SNTG1: variants seen among roughly 807,000 people sequenced by gnomAD.
SNTG1 encodes syntrophin gamma 1, also known as gamma-1-syntrophin.
Under a neutral mutation model 74.7 loss-of-function variants are expected in SNTG1, and 39 were observed. That is an observed-to-expected ratio of 0.52 (90% CI 0.40 to 0.68). The LOEUF (loss-of-function observed/expected upper bound fraction) is 0.68, where lower values mean the gene tolerates loss of function less well. Among genes scored for constraint, SNTG1 ranks in the 30% least tolerant of loss-of-function variants. The pLI is 0.00. For synonymous variants in SNTG1, 254 were observed against 217.1 expected, an observed-to-expected ratio of 1.17 and a Z score of -1.49; for missense variants, 685 against 609.5, an observed-to-expected ratio of 1.12 and a Z score of -1.30.
chr8:50,442,045 C>T (rs556264851), intron 5 of SNTG1, among the ~76,000 whole-genome samples: 3 of 152,168 alleles, frequency 2.0e-5, no homozygotes, highest in African/African-American at 4.8e-5. Context: ...AGCTTTAGCG[C>T]ATGCTGCACA....
intron 8 of SNTG1, among the ~76,000 whole-genome samples, chr8:50,494,105 G>A (rs1280244627): frequency 2.0e-5 from 3 of 148,920 alleles, no homozygotes; most frequent in Middle Eastern, 3.2e-3. Context: ...GGAGAAACAT[G>A]TATATATGTA....
chr8:50,247,957 G>A (rs1288917309), intron 2 of SNTG1, among the ~76,000 whole-genome samples: 1 of 152,106 alleles, frequency 6.6e-6, no homozygotes, highest in African/African-American at 2.4e-5. Flanking sequence ...GAGCTATGAA[G>A]GAAAGATCAG....
At chr8:50,299,086 A>G (rs2089524210) in intron 2 of SNTG1, among the ~76,000 whole-genome samples, 1 of 152,198 alleles carries the variant, frequency 6.6e-6, no homozygotes, top group South Asian at 2.1e-4. Flanking sequence ...GTAATTGCTA[A>G]TGTTAAGTAT....
chr8:50,439,741 G>T (rs2093341158), intron 5 of SNTG1, among the ~76,000 whole-genome samples: 1 of 142,382 alleles, frequency 7.0e-6, no homozygotes, highest in African/African-American at 2.6e-5. Context: ...TTTTGGCCAG[G>T]CTGTTTATTG....
chr8:50,733,633 G>A (rs115619462), intron 17 of SNTG1, among the ~76,000 whole-genome samples: 2,207 of 152,016 alleles, frequency 0.015, 55 homozygotes, highest in African/African-American at 0.051. Flanking sequence ...TGACAAGTGT[G>A]AAATGGTATC....
chr8:50,280,009 A>G (rs1034945558), intron 2 of SNTG1, among the ~76,000 whole-genome samples: 5 of 152,128 alleles, frequency 3.3e-5, no homozygotes, highest in African/African-American at 1.2e-4. Context: ...GGTAACTTCT[A>G]CTCTGTTTTC....
chr8:50,546,242 G>A (rs1051307514), intron 11 of SNTG1, among the ~76,000 whole-genome samples: 2 of 150,050 alleles, frequency 1.3e-5, no homozygotes, highest in Non-Finnish European at 3.0e-5. Context: ...ATAAAAAAAA[G>A]TTTGTAAGAA....
chr8:49,951,997 G>A lies in SNTG1; in HGVS notation c.-103+39766G>A, dbSNP rs79770047. ...ATATATCACCCAGAACTACTCTTTT[G>A]TTTGTTGTTATGAGCATAGTTGGAA... On this transcript the variant is annotated intron_variant, in intron 1 of 18. Coordinates refer to ENST00000642720, the MANE Select transcript of SNTG1 (RefSeq NM_018967.5). 8.4e-3 allele frequency among the ~76,000 whole-genome samples: 1,257 copies of A among 149,450 alleles called. 56 individuals carry two copies. In the East Asian group the frequency reaches 0.14, roughly 17 times the overall value.
intron 2 of SNTG1, among the ~76,000 whole-genome samples, chr8:50,233,929 C>A (rs149765301): frequency 1.2e-3 from 176 of 151,820 alleles, no homozygotes; most frequent in African/African-American, 3.9e-3. Flanking sequence ...GAAAACGGAT[C>A]GCTCATATAT....
intron 9 of SNTG1, among the ~76,000 whole-genome samples, chr8:50,506,460 T>G (rs2094007424): frequency 6.6e-6 from 1 of 152,110 alleles, no homozygotes; most frequent in Non-Finnish European, 1.5e-5. Context: ...ACAATATTAA[T>G]TCTTCCAGTG....
chr8:49,957,061 A>G (rs1028579720), intron 1 of SNTG1, among the ~76,000 whole-genome samples: 5 of 152,184 alleles, frequency 3.3e-5, no homozygotes, highest in Admixed American at 6.5e-5. Context: ...AAGATGAGTA[A>G]GTTAATTCAG....
chr8:50,081,415 T>C (rs1822395927), intron 1 of SNTG1, among the ~76,000 whole-genome samples: 1 of 151,728 alleles, frequency 6.6e-6, no homozygotes, highest in African/African-American at 2.4e-5. Flanking sequence ...TTTATTCCGT[T>C]TGGCATTTAT....
chr8:50,118,789 T>C (rs895996852), intron 1 of SNTG1, among the ~76,000 whole-genome samples: 1 of 142,704 alleles, frequency 7.0e-6, no homozygotes, highest in Admixed American at 7.2e-5. Flanking sequence ...CTTTTTATCA[T>C]TCTAAAGAAT....
intron 12 of SNTG1, among the ~76,000 whole-genome samples, chr8:50,589,504 C>G (rs2130866835): frequency 6.6e-6 from 1 of 151,990 alleles, no homozygotes; most frequent in African/African-American, 2.4e-5. Context: ...GTGTTTTGCT[C>G]AACCACTACT....
chr8:50,347,357 C>G (rs2091511713), intron 2 of SNTG1, among the ~76,000 whole-genome samples: 1 of 152,080 alleles, frequency 6.6e-6, no homozygotes, highest in East Asian at 1.9e-4. Context: ...TATCGGAAGC[C>G]CACTATTTAG....
At chr8:50,498,331 GT>G (rs1393522871) in intron 8 of SNTG1, among the ~76,000 whole-genome samples, 2 of 151,740 alleles carry the variant, frequency 1.3e-5, no homozygotes, top group African/African-American at 2.4e-5. Context: ...TCTCATTATA[GT>G]TTTAATTTAC....
intron 1 of SNTG1, among the ~76,000 whole-genome samples, chr8:50,076,012 CA>C (rs1284051554): frequency 2.6e-5 from 4 of 152,188 alleles, no homozygotes; most frequent in African/African-American, 9.7e-5. Context: ...CCCTTCCAGA[CA>C]CAACATAACA....
chr8:50,474,163 G>A (rs1309599235), intron 8 of SNTG1, among the ~76,000 whole-genome samples: 1 of 151,964 alleles, frequency 6.6e-6, no homozygotes, highest in African/African-American at 2.4e-5. Flanking sequence ...ACATAGGCAT[G>A]GGCAAGGACT....
chr8:50,168,862 T>A (rs1239481185), intron 1 of SNTG1, among the ~76,000 whole-genome samples: 3 of 152,178 alleles, frequency 2.0e-5, no homozygotes, highest in Non-Finnish European at 4.4e-5. Flanking sequence ...AAATTTAACA[T>A]CTTGCATAAC....
Sources: gnomAD v4.1 joint callset for allele counts (sites outside exome capture counted in the v4.1 genomes callset) on GRCh38, gnomAD v4.1.1 for gene constraint, MANE v1.5 for transcripts, NCBI Gene and HGNC (gene_info 2026-07-23, HGNC 2026-07-21) for gene names.